Variants in MUCL1 observed in about 807,000 individuals in gnomAD.
MUCL1 encodes the protein mucin like 1.
Under a neutral mutation model 9.2 loss-of-function variants are expected in MUCL1, and 11 were observed. That is an observed-to-expected ratio of 1.19 (90% CI 0.75 to 1.97). The LOEUF (loss-of-function observed/expected upper bound fraction) is 1.97, where lower values mean the gene tolerates loss of function less well. Among genes scored for constraint, MUCL1 ranks in the 30% most tolerant of loss-of-function variants. The pLI, the probability that MUCL1 is intolerant of heterozygous loss-of-function variation, is 0.00. For synonymous variants in MUCL1, 48 were observed against 40.5 expected (o/e 1.19, Z -0.71); for missense variants, 144 against 110.9 (o/e 1.30, Z -1.34).
At chr12:54,843,692 G>C (rs1420996343) in intron 1 of MUCL1, among the ~76,000 whole-genome samples, 1 of 152,098 alleles carries the variant, frequency 6.6e-6, no homozygotes. Context: ...AGCTTAGAAA[G>C]GGCCCACAAG....
chr12:54,849,229 A>G (rs932167501), intron 1 of MUCL1, among the ~76,000 whole-genome samples: 1 of 152,160 alleles, frequency 6.6e-6, no homozygotes, highest in Non-Finnish European at 1.5e-5. Flanking sequence ...TGCCTATTAT[A>G]ATAGGAATAT....
At chr12:54,846,543 G>A (rs2135942944) in intron 1 of MUCL1, among the ~76,000 whole-genome samples, 1 of 152,286 alleles carries the variant, frequency 6.6e-6, no homozygotes, top group South Asian at 2.1e-4. Context: ...ACATTAGTGG[G>A]AAAAAGATAG....
chr12:54,832,190 T>C (rs1959186287), intron 1 of MUCL1, among the ~76,000 whole-genome samples: 1 of 152,096 alleles, frequency 6.6e-6, no homozygotes, highest in Non-Finnish European at 1.5e-5. Context: ...GTAGTCAAGC[T>C]GGCTAAGATT....
chr12:54,845,223 G>A (rs1189322643), intron 1 of MUCL1, among the ~76,000 whole-genome samples: 2 of 151,820 alleles, frequency 1.3e-5, no homozygotes, highest in South Asian at 2.1e-4. Context: ...CTTTCATTGG[G>A]TATACTTTGT....
intron 1 of MUCL1, among the ~76,000 whole-genome samples, chr12:54,848,852 G>C (rs1959294636): frequency 6.6e-6 from 1 of 151,990 alleles, no homozygotes; most frequent in Non-Finnish European, 1.5e-5. Flanking sequence ...GAAAGCTGTT[G>C]GTAATACATA....
chr12:54,852,231 G>A (rs1406284967), upstream of MUCL1, among the ~76,000 whole-genome samples: 2 of 152,118 alleles, frequency 1.3e-5, no homozygotes, highest in Non-Finnish European at 2.9e-5. Flanking sequence ...AAAGCTGGAG[G>A]CATCACACTA....
At chr12:54,830,894 C>T (rs1350005642) in intron 1 of MUCL1, 2 of 152,172 alleles carry the variant, frequency 1.3e-5, no homozygotes, top group Non-Finnish European at 1.5e-5. Flanking sequence ...TGGATACACA[C>T]AAACAGCTTC....
chr12:54,851,740 GATTGTAT>G (rs1452759438), upstream of MUCL1, among the ~76,000 whole-genome samples: 2 of 152,170 alleles, frequency 1.3e-5, no homozygotes, highest in African/African-American at 4.8e-5. Flanking sequence ...CAGATGACAT[GATTGTAT>G]ATCTAGAAAA....
At chr12:54,855,193 A>G in intron 2 of MUCL1, 36 bp downstream of exon 2, 1 of 1,601,732 alleles carries the variant, frequency 6.2e-7, no homozygotes, top group Non-Finnish European at 8.6e-7. Flanking sequence ...CTTTCCAGCA[A>G]TAACCATTTT....
upstream of MUCL1, among the ~76,000 whole-genome samples, chr12:54,852,889 G>T (rs144160040): frequency 2.4e-3 from 365 of 152,088 alleles, no homozygotes; most frequent in Non-Finnish European, 4.2e-3. Context: ...CAGAATATGT[G>T]TTTTTTTCTT....
At chr12:54,832,837 G>A (rs1407429254) in intron 1 of MUCL1, among the ~76,000 whole-genome samples, 1 of 151,902 alleles carries the variant, frequency 6.6e-6, no homozygotes, top group Non-Finnish European at 1.5e-5. Context: ...CATTTGTATA[G>A]GTAAAATGCT....
intron 1 of MUCL1, 72 bp from the exon 2 acceptor site, chr12:54,855,044 A>T: frequency 7.6e-7 from 1 of 1,315,202 alleles, no homozygotes; most frequent in Non-Finnish European, 1.1e-6. Context: ...AATATTGTCC[A>T]TATTCTCTCT....
chr12:54,840,094 C>T (rs972396400), intron 1 of MUCL1, among the ~76,000 whole-genome samples: 17 of 152,266 alleles, frequency 1.1e-4, no homozygotes, highest in African/African-American at 3.1e-4. Flanking sequence ...TCCTCTGGCT[C>T]TTGCTGCCCA....
chr12:54,834,847 C>T (rs965519358), upstream of MUCL1, among the ~76,000 whole-genome samples: 1 of 151,960 alleles, frequency 6.6e-6, no homozygotes, highest in East Asian at 1.9e-4. Context: ...ACCTGTCACC[C>T]GAGCAGTGTA....
intron 1 of MUCL1, among the ~76,000 whole-genome samples, chr12:54,847,571 C>G (rs181302502): frequency 5.5e-4 from 83 of 152,268 alleles, no homozygotes; most frequent in African/African-American, 1.9e-3. Context: ...GCCAAGATCA[C>G]GCCATTGCAC....
At chr12:54,845,519 A>G (rs1295846241) in intron 1 of MUCL1, among the ~76,000 whole-genome samples, 2 of 152,096 alleles carry the variant, frequency 1.3e-5, no homozygotes, top group Non-Finnish European at 2.9e-5. Flanking sequence ...GGCACCCTTC[A>G]CTTCATAATT....
At chr12:54,831,507 G>A (rs1427839468) in intron 1 of MUCL1, among the ~76,000 whole-genome samples, 2 of 151,812 alleles carry the variant, frequency 1.3e-5, no homozygotes, top group African/African-American at 2.4e-5. Context: ...ATAGTTAAGG[G>A]GGAAATAACT....
At chr12:54,844,387 A>G (rs1185745885) in intron 1 of MUCL1, among the ~76,000 whole-genome samples, 3 of 152,140 alleles carry the variant, frequency 2.0e-5, no homozygotes, top group Admixed American at 6.6e-5. Flanking sequence ...GATTCCTAGG[A>G]GCTTCATGCT....
upstream of MUCL1, among the ~76,000 whole-genome samples, chr12:54,838,430 TC>T (rs1248478603): frequency 6.6e-6 from 1 of 152,212 alleles, no homozygotes; most frequent in African/African-American, 2.4e-5. Context: ...TTGTCATGAA[TC>T]CCACAGGTGT....
Sources: allele counts gnomAD v4.1 joint callset (sites outside exome capture counted in the v4.1 genomes callset), GRCh38; gene constraint gnomAD v4.1.1; transcripts MANE v1.5; gene names NCBI Gene and HGNC (gene_info 2026-07-23, HGNC 2026-07-21).